Variants in COG5 observed in about 807,000 individuals in gnomAD.
The protein encoded by COG5 is component of oligomeric golgi complex 5, also known as conserved oligomeric Golgi complex subunit 5.
COG5 carries 86 observed loss-of-function variants against 110.4 expected under a neutral mutation model. That is an observed-to-expected ratio of 0.78 (90% CI 0.65 to 0.93). COG5 has a LOEUF of 0.93. COG5 is among the 40% of genes least tolerant of loss of function. The pLI is 0.00. For missense variants in COG5, 1,077 were observed against 987.0 expected, an observed-to-expected ratio of 1.09 and a Z score of -1.22; for synonymous variants, 360 against 334.6, an observed-to-expected ratio of 1.08 and a Z score of -0.83.
chr7:107,290,950 C>T (rs925093998), intron 12 of COG5, among the ~76,000 whole-genome samples: 1 of 152,150 alleles, frequency 6.6e-6, no homozygotes, highest in South Asian at 2.1e-4. Flanking sequence ...GCCACCGCAC[C>T]CAGCCGATTG....
In COG5 at chr7:107,548,285, C is replaced by CA. The variant is rs1316735024; in HGVS notation, c.339dup (p.Val114CysfsTer2). 6.2e-7 allele frequency: 1 copy of CA among 1,612,852 alleles called. No individual in the cohort carries two copies. Among genetic ancestry groups the CA allele is most frequent in the Non-Finnish European group, 8.5e-7 (1 of 1,178,870 alleles). ...TAAAATTAAGAACAGTACCTATCAACAGCTCCCTGTAAAGCCCCAATTCTC... is the reference window on the plus strand; with the variant it reads ...TAAAATTAAGAACAGTACCTATCAACAAGCTCCCTGTAAAGCCCCAATTCTC... On this transcript the variant is annotated frameshift_variant, in exon 4 of 22. Coordinates refer to ENST00000297135, the MANE Select transcript of COG5 (RefSeq NM_006348.5). LOFTEE classifies it high-confidence loss of function.
intron 21 of COG5, chr7:107,207,853 C>A (rs1483589952): frequency 2.0e-6 from 2 of 985,264 alleles, no homozygotes; most frequent in Non-Finnish European, 2.4e-6. Context: ...CAGGATGGTT[C>A]ACTATTTCCC....
rs745832481 is a variant in COG5, at chr7:107,362,376, C to A, written c.880G>T (p.Ala294Ser). 7.4e-6 allele frequency: 12 copies of A among 1,613,948 alleles called. No individual in the cohort carries two copies. The highest frequency in any genetic ancestry group is 3.3e-4 in the Middle Eastern group (2 of 6,062). The change falls in exon 9 of 22, where the codon GCT becomes TCT. Residue 294 changes from alanine to serine, a missense_variant. Coordinates refer to ENST00000297135, the MANE Select transcript of COG5 (RefSeq NM_006348.5). ...TTGGTCCAGAATGAGGCACGCAAAG[C>A]TGCAGTATTTCCTGGGGTTGGCATG... ...STMPTPGNTA[A>S]LRASFWTNME...
chr7:107,332,582 A>G (rs1810348783), intron 10 of COG5, among the ~76,000 whole-genome samples: 1 of 152,182 alleles, frequency 6.6e-6, no homozygotes, highest in Non-Finnish European at 1.5e-5. Context: ...GAAGTGGTCA[A>G]TCACCTCAGA....
At chr7:107,221,842 G>A (rs1443865279) in intron 19 of COG5, among the ~76,000 whole-genome samples, 1 of 151,868 alleles carries the variant, frequency 6.6e-6, no homozygotes, top group East Asian at 1.9e-4. Flanking sequence ...ATGAGAATCA[G>A]ATAGCTGATT....
intron 17 of COG5, among the ~76,000 whole-genome samples, chr7:107,237,056 C>A (rs1801249490): frequency 6.6e-6 from 1 of 152,226 alleles, no homozygotes; most frequent in Admixed American, 6.5e-5. Flanking sequence ...TGCCTGCTAA[C>A]TGAATGCATC....
chr7:107,439,303 A>G (rs1211072581), intron 6 of COG5, among the ~76,000 whole-genome samples: 5 of 152,088 alleles, frequency 3.3e-5, no homozygotes, highest in Non-Finnish European at 1.5e-5. Flanking sequence ...TTTGAAATTT[A>G]CATCCTTTTC....
chr7:107,427,167 TATAG>T, intron 6 of COG5, among the ~76,000 whole-genome samples: 1 of 152,302 alleles, frequency 6.6e-6, no homozygotes, highest in Non-Finnish European at 1.5e-5. Context: ...AGTAAGGCTA[TATAG>T]ATAGACCACA....
intron 11 of COG5, among the ~76,000 whole-genome samples, chr7:107,316,767 G>A (rs969030880): frequency 8.3e-6 from 1 of 120,516 alleles, no homozygotes; most frequent in Admixed American, 8.1e-5. Context: ...AGGAGGCGGA[G>A]CTTGCAGTCA....
chr7:107,379,356 G>C (rs1376952198), intron 7 of COG5, among the ~76,000 whole-genome samples: 1 of 152,128 alleles, frequency 6.6e-6, no homozygotes, highest in Non-Finnish European at 1.5e-5. Flanking sequence ...TGGAGAAACT[G>C]CATCAATTAA....
chr7:107,495,227 A>G (rs1437893048), intron 6 of COG5, among the ~76,000 whole-genome samples: 2 of 152,172 alleles, frequency 1.3e-5, no homozygotes, highest in Non-Finnish European at 2.9e-5. Flanking sequence ...AGAAACACAC[A>G]AAGGAAAAAG....
At chr7:107,516,380 T>C (rs537074207) in intron 6 of COG5, among the ~76,000 whole-genome samples, 295 of 152,362 alleles carry the variant, frequency 1.9e-3, no homozygotes, top group African/African-American at 6.6e-3. Context: ...CTATCAAATA[T>C]ACTTTGCAAA....
At chr7:107,377,743 C>T (rs184135536) in intron 7 of COG5, among the ~76,000 whole-genome samples, 106 of 152,328 alleles carry the variant, frequency 7.0e-4, no homozygotes, top group African/African-American at 2.5e-3. Flanking sequence ...TCTTTACTCT[C>T]TAGATTCCTC....
At chr7:107,480,522 C>G (rs1797278893) in intron 6 of COG5, among the ~76,000 whole-genome samples, 1 of 152,044 alleles carries the variant, frequency 6.6e-6, no homozygotes, top group Non-Finnish European at 1.5e-5. Context: ...GATAAAAGAA[C>G]CCAGATGAGG....
At chr7:107,219,086 A>G (rs1799718459) in intron 19 of COG5, among the ~76,000 whole-genome samples, 1 of 152,316 alleles carries the variant, frequency 6.6e-6, no homozygotes, top group South Asian at 2.1e-4. Context: ...CAGATATATG[A>G]AAAAATGCTC....
At chr7:107,549,781 C>A (rs1197410262) in intron 3 of COG5, among the ~76,000 whole-genome samples, 1 of 152,002 alleles carries the variant, frequency 6.6e-6, no homozygotes, top group Admixed American at 6.6e-5. Context: ...TCTGTCAGAC[C>A]TCTACATGTG....
intron 14 of COG5, among the ~76,000 whole-genome samples, chr7:107,270,094 G>T (rs1362235152): frequency 6.6e-6 from 1 of 152,164 alleles, no homozygotes; most frequent in Non-Finnish European, 1.5e-5. Flanking sequence ...ACTTGGACTT[G>T]CCTCTTCAGT....
At chr7:107,352,787 T>G (rs191553176) in intron 10 of COG5, among the ~76,000 whole-genome samples, 55 of 152,326 alleles carry the variant, frequency 3.6e-4, no homozygotes, top group African/African-American at 1.2e-3. Context: ...TTTAGTTTAA[T>G]GCATCCTATA....
chr7:107,245,921 A>G (rs1367249332), intron 17 of COG5, among the ~76,000 whole-genome samples: 4 of 152,368 alleles, frequency 2.6e-5, no homozygotes, highest in African/African-American at 9.6e-5. Context: ...ATCCTAAGCT[A>G]AAAGAACAAA....
Sources: gnomAD v4.1 joint callset for allele counts (sites outside exome capture counted in the v4.1 genomes callset) on GRCh38, gnomAD v4.1.1 for gene constraint, MANE v1.5 for transcripts, NCBI Gene and HGNC (gene_info 2026-07-23, HGNC 2026-07-21) for gene names.